MTUS2: variants seen among roughly 807,000 people sequenced by gnomAD.
The protein encoded by MTUS2 is microtubule-associated tumor suppressor candidate 2.
A neutral mutation model predicts 114.1 loss-of-function variants in MTUS2; 40 were observed. The ratio of observed to expected loss-of-function variants is 0.35; its 90% CI spans 0.27 to 0.46. The LOEUF (loss-of-function observed/expected upper bound fraction) is 0.46, where lower values mean the gene tolerates loss of function less well. MTUS2 is among the 20% of genes least tolerant of loss of function. MTUS2 has a pLI of 1.00. For synonymous variants in MTUS2, 688 were observed against 672.0 expected (o/e 1.02, Z -0.37); for missense variants, 1,679 against 1,705.4 (o/e 0.98, Z 0.27).
chr13:29,286,659 T>TGTCC, intron 6 of MTUS2, among the ~76,000 whole-genome samples: 1 of 147,906 alleles, frequency 6.8e-6, no homozygotes, highest in Admixed American at 6.7e-5. Flanking sequence ...TCTGTCTGTC[T>TGTCC]GTCTGTCTGT....
rs892713320 is a variant in MTUS2 at position 29,496,856 on chromosome 13, A to G, written c.3580-382A>G. ...AATTGAGCTTCCTAAATGAGAATAC[A>G]TCTTTGAAATACATTCATCGCGGTC... On this transcript the variant is annotated intron_variant, in intron 12 of 15. Coordinates refer to ENST00000612955, the MANE Select transcript of MTUS2 (RefSeq NM_001033602.4). This position sits in a 1 kb window ranked among gnomAD's most constrained non-coding sequence, Gnocchi z 4.3. Among the ~76,000 whole-genome samples the G allele has an allele frequency of 6.6e-6, 1 of 152,142 alleles. No homozygotes were observed. The highest frequency in any genetic ancestry group is 1.5e-5 in the Non-Finnish European group (1 of 68,028).
In MTUS2 at chr13:29,503,830, G is replaced by A. The variant is rs781504724; in HGVS notation, c.*624G>A. On this transcript the variant is annotated 3_prime_UTR_variant, in exon 16 of 16. Transcript: ENST00000612955. ...ACACGAACACCAGCTATTTGTGAACGGTAACTGCCTTTGGAACAATCAGCT... is the reference window on the plus strand; with the variant it reads ...ACACGAACACCAGCTATTTGTGAACAGTAACTGCCTTTGGAACAATCAGCT... 7.0e-4 allele frequency: 164 copies of A among 233,528 alleles called. 2 individuals carry two copies. The highest frequency in any genetic ancestry group is 2.1e-4 in the Non-Finnish European group (25 of 118,078). The allele number at this position is 233,528 out of a possible 1,614,324, so 14.5% of individuals were successfully genotyped here.
chr13:29,275,881 G>C (rs956355333), intron 5 of MTUS2, among the ~76,000 whole-genome samples: 2 of 152,212 alleles, frequency 1.3e-5, no homozygotes, highest in African/African-American at 4.8e-5. Context: ...TTTTGGGTAT[G>C]TACTTAGGAG....
chr13:29,389,355 A>ACACGTGTGTATGTGTGTATACACGTGTG (rs1566172568), intron 8 of MTUS2, among the ~76,000 whole-genome samples: 2 of 82,662 alleles, frequency 2.4e-5, no homozygotes, highest in Non-Finnish European at 4.6e-5. Context: ...GTGTGTGTAT[A>ACACGTGTGTATGTGTGTATACACGTGTG]TATGTATGCA....
intron 4 of MTUS2, among the ~76,000 whole-genome samples, chr13:29,075,039 C>T (rs1270689583): frequency 6.6e-6 from 1 of 152,218 alleles, no homozygotes; most frequent in Non-Finnish European, 1.5e-5. Context: ...CTGGCAACTA[C>T]TAATCTACTT....
intron 8 of MTUS2, among the ~76,000 whole-genome samples, chr13:29,376,654 G>C (rs1041457054): frequency 2.0e-5 from 3 of 152,078 alleles, no homozygotes; most frequent in Non-Finnish European, 2.9e-5. Flanking sequence ...AAGTTTTATT[G>C]CAACACAGCC....
chr13:29,034,239 T>C, intron 4 of MTUS2, 114 bp downstream of exon 4: 1 of 1,385,234 alleles, frequency 7.2e-7, no homozygotes. Context: ...GGAGAGCCTT[T>C]TTCTGTTCTT....
intron 5 of MTUS2, among the ~76,000 whole-genome samples, chr13:29,112,598 T>C (rs572640663): frequency 1.3e-5 from 2 of 152,244 alleles, no homozygotes; most frequent in Admixed American, 1.3e-4. Flanking sequence ...GTTATGTGTT[T>C]GCTCTTTTTT....
At chr13:29,174,320 C>A (rs1323875475) in intron 5 of MTUS2, among the ~76,000 whole-genome samples, 1 of 152,052 alleles carries the variant, frequency 6.6e-6, no homozygotes, top group Non-Finnish European at 1.5e-5. Context: ...AAGGAGGGTC[C>A]CCTGGCAGTT....
chr13:29,111,519 T>TA (rs1890883516), intron 5 of MTUS2, among the ~76,000 whole-genome samples: 1 of 152,182 alleles, frequency 6.6e-6, no homozygotes, highest in South Asian at 2.1e-4. Flanking sequence ...GCTTTTATCT[T>TA]AGCAGAAACT....
chr13:29,286,001 C>T (rs1234624532), intron 6 of MTUS2, among the ~76,000 whole-genome samples: 1 of 152,192 alleles, frequency 6.6e-6, no homozygotes, highest in East Asian at 1.9e-4. Flanking sequence ...TCTTGGCTCA[C>T]TGCAGTCTCC....
In MTUS2 at chr13:28,843,406, G is replaced by A. The variant is rs17072284; in HGVS notation, c.-243+3556G>A. On this transcript the variant is annotated intron_variant, in intron 2 of 15. Coordinates refer to ENST00000612955, the MANE Select transcript of MTUS2 (RefSeq NM_001033602.4). ...TCCTCAAGAATAGATTGGAAGCACC[G>A]GGGTCACAAAGTCTGTTTTTTGAGG... Among the ~76,000 whole-genome samples, 557 of 152,158 alleles carry A rather than the reference G, an allele frequency of 3.7e-3. 2 individuals carry two copies. Among genetic ancestry groups the A allele is most frequent in the African/African-American group, 0.013 (538 of 41,516 alleles).
rs145525439 is a variant in MTUS2, at chr13:29,347,182, C to G, written c.2906-12080C>G. Among the ~76,000 whole-genome samples, 368 of 152,298 alleles carry G rather than the reference C, an allele frequency of 2.4e-3. 3 individuals carry two copies. The highest frequency in any genetic ancestry group is 8.3e-3 in the African/African-American group (346 of 41,564). ...TCAAGTTAGTCCTGCCTCCTGTCTG[C>G]CATTTTCCCTCACTTTCTGATTTCT... On this transcript the variant is annotated intron_variant, in intron 7 of 15. Coordinates refer to ENST00000612955, the MANE Select transcript of MTUS2 (RefSeq NM_001033602.4).
intron 8 of MTUS2, among the ~76,000 whole-genome samples, chr13:29,400,938 G>T (rs375461221): frequency 2.0e-5 from 3 of 152,198 alleles, no homozygotes; most frequent in South Asian, 4.1e-4. Context: ...GATAAATTAC[G>T]TATTAGAGAG....
At chr13:29,252,033 A>C (rs1337745984) in intron 5 of MTUS2, among the ~76,000 whole-genome samples, 1 of 152,208 alleles carries the variant, frequency 6.6e-6, no homozygotes, top group Non-Finnish European at 1.5e-5. Context: ...ACAGTGAGAA[A>C]TTAGAACAAA....
At chr13:28,929,006 T>C (rs1195715893) in intron 2 of MTUS2, among the ~76,000 whole-genome samples, 3 of 152,234 alleles carry the variant, frequency 2.0e-5, no homozygotes, top group Admixed American at 1.3e-4. Context: ...AATCCTGTTA[T>C]TTGTAGCAAC....
At chr13:29,215,474 G>GTTTT (rs71090232) in intron 5 of MTUS2, among the ~76,000 whole-genome samples, 1 of 130,094 alleles carries the variant, frequency 7.7e-6, no homozygotes, top group Non-Finnish European at 1.6e-5. Flanking sequence ...TTTTTTTGCT[G>GTTTT]TTTTTTTTTT....
rs1292832027 is a variant in MTUS2, at chr13:29,504,727, T to C, written c.*1521T>C. ...GATATGGTGATGATGATGATGCCCT[T>C]GTTTCCTGTATGTGACAAAGACCCT... On this transcript the variant is annotated 3_prime_UTR_variant, in exon 16 of 16. Transcript: ENST00000612955. 4.3e-6 allele frequency: 1 copy of C among 233,216 alleles called. No homozygotes were observed. The highest frequency in any genetic ancestry group is 2.2e-5 in the African/African-American group (1 of 45,346). The allele number at this position is 233,216 out of a possible 1,614,324, so 14.4% of individuals were successfully genotyped here.
chr13:29,401,379 G>A (rs1254439157), intron 8 of MTUS2, among the ~76,000 whole-genome samples: 1 of 152,132 alleles, frequency 6.6e-6, no homozygotes, highest in African/African-American at 2.4e-5. Flanking sequence ...CTTTTATATA[G>A]TGAAATCTAT....
Sources: allele counts gnomAD v4.1 joint callset (sites outside exome capture counted in the v4.1 genomes callset), GRCh38; gene constraint gnomAD v4.1.1; non-coding constraint Gnocchi (gnomAD v3.1); transcripts MANE v1.5; gene names NCBI Gene and HGNC (gene_info 2026-07-23, HGNC 2026-07-21).